The following CCNYL1 variants were observed in gnomAD, a reference collection of about 807,000 sequenced individuals.
The protein encoded by CCNYL1 is cyclin-Y-like protein 1.
CCNYL1 carries 16 observed loss-of-function variants against 44.2 expected under a neutral mutation model. The observed-to-expected ratio is 0.36, with a 90% CI of 0.25 to 0.55. CCNYL1 has a LOEUF of 0.55. CCNYL1 is among the 20% of genes least tolerant of loss of function. The probability of loss-of-function intolerance (pLI) is 0.85; values close to 1 mark genes in which losing one functional copy is unlikely to be tolerated. For synonymous variants in CCNYL1, 159 were observed against 163.2 expected (o/e 0.97, Z 0.20); for missense variants, 348 against 451.8 (o/e 0.77, Z 2.08).
chr2:207,741,703 G>A (rs994429592), intron 6 of CCNYL1, among the ~76,000 whole-genome samples: 18 of 151,848 alleles, frequency 1.2e-4, no homozygotes, highest in Admixed American at 7.2e-4. Flanking sequence ...AAAATTAGCC[G>A]GACATGTTGG....
intron 6 of CCNYL1, 41 bp downstream of exon 6, chr2:207,740,747 G>A: frequency 7.8e-7 from 1 of 1,283,574 alleles, no homozygotes; most frequent in Admixed American, 1.7e-5. Context: ...TTCTCTCATA[G>A]AGTTGTGTTT....
intron 3 of CCNYL1, among the ~76,000 whole-genome samples, chr2:207,730,837 G>T (rs368943031): frequency 6.6e-6 from 1 of 152,218 alleles, no homozygotes; most frequent in East Asian, 1.9e-4. Context: ...TGTCAATCCT[G>T]TTGCCTGCTC....
intron 1 of CCNYL1, among the ~76,000 whole-genome samples, chr2:207,717,404 A>G (rs2091605339): frequency 6.6e-6 from 1 of 152,210 alleles, no homozygotes; most frequent in South Asian, 2.1e-4. Context: ...TTAGGTGGCC[A>G]GGCTGTGTTC....
In CCNYL1 at chr2:207,755,506, C is replaced by T. The variant is rs1297352747; in HGVS notation, c.*1808C>T. The T allele has an allele frequency of 1.3e-5, 2 of 152,076 alleles. No homozygotes were observed. The highest frequency in any genetic ancestry group is 4.8e-5 in the African/African-American group (2 of 41,398). The allele number at this position is 152,076 out of a possible 1,614,324, so 9.4% of individuals were successfully genotyped here. ...AATACCTTGTATCTCCATAAAATGC[C>T]CTCTTTTTAAAAGTAGTTACCCGCA... On this transcript the variant is annotated 3_prime_UTR_variant, in exon 10 of 10. Transcript: ENST00000295414.
At chr2:207,731,046 A>G (rs2091722301) in intron 3 of CCNYL1, among the ~76,000 whole-genome samples, 1 of 152,192 alleles carries the variant, frequency 6.6e-6, no homozygotes, top group South Asian at 2.1e-4. Flanking sequence ...TCTTCTAGTA[A>G]GGCCTTAGGA....
rs61405839 is a variant in CCNYL1, at chr2:207,743,806, TTTTTTGTTTTTG to T, written c.639+1481_639+1492del. Among the ~76,000 whole-genome samples the T allele has an allele frequency of 3.8e-3, 578 of 151,566 alleles. 5 individuals carry two copies. Among genetic ancestry groups the T allele is most frequent in the African/African-American group, 0.013 (519 of 41,112 alleles). ...TGCCTACTCTGTGCCACTATTCTTG[TTTTTTGTTTTTG>T]TTTTTGTTTTTGTTTTGTTTTGTTT... On this transcript the variant is annotated intron_variant, in intron 7 of 9. Transcript: ENST00000295414.
At position 207,711,855 on chromosome 2, in the gene CCNYL1, G is replaced by T; in HGVS notation, c.-42G>T. 1.5e-6 allele frequency: 2 copies of T among 1,320,260 alleles called. No individual in the cohort carries two copies. Among genetic ancestry groups the T allele is most frequent in the African/African-American group, 1.6e-5 (1 of 64,308 alleles). 81.8% of individuals were successfully genotyped at this position (1,320,260 alleles called of 1,614,324 possible). On this transcript the variant is annotated 5_prime_UTR_variant, in exon 1 of 10. Transcript: ENST00000295414. ...GCGGCTGTTGAGGGCGGCGGAGTAGGGGGCGAGCGAAGGCGGTGGCAGAGA... is the reference window on the plus strand; with the variant it reads ...GCGGCTGTTGAGGGCGGCGGAGTAGTGGGCGAGCGAAGGCGGTGGCAGAGA...
At position 207,717,946 on chromosome 2, in the gene CCNYL1, C is replaced by T. The variant is rs143281764; in HGVS notation, c.220+5830C>T. 1.2e-4 allele frequency among the ~76,000 whole-genome samples: 18 copies of T among 150,536 alleles called. No individual in the cohort carries two copies. The East Asian group carries it at 3.3e-3, about 28-fold the overall frequency. The stretch of plus-strand genomic sequence containing the variant: ...TGAGATGGAATCTTCACTGTGTCGC[C>T]CAGGTTGAAGTACAGTGGCTCAATC... On this transcript the variant is annotated intron_variant, in intron 1 of 9. Transcript: ENST00000295414.
At chr2:207,747,242 C>G (rs1180729878) in intron 8 of CCNYL1, 29 bp downstream of exon 8, 6 of 1,582,702 alleles carry the variant, frequency 3.8e-6, no homozygotes, top group African/African-American at 2.7e-5. Flanking sequence ...GGTGAACTTT[C>G]TAACCATTTT....
chr2:207,723,618 A>G (rs539201321), intron 1 of CCNYL1, among the ~76,000 whole-genome samples: 1 of 152,108 alleles, frequency 6.6e-6, no homozygotes, highest in South Asian at 2.1e-4. Flanking sequence ...ACTCACCTCT[A>G]TAATCCCAGC....
rs532694623 is a variant in CCNYL1, at chr2:207,754,418, C to T, written c.*720C>T. The stretch of plus-strand genomic sequence containing the variant: ...TTCTTGTGAACTATAAATGGTGCTT[C>T]TCATTTTCTGATAATTTTTCTCTTG... On this transcript the variant is annotated 3_prime_UTR_variant, in exon 10 of 10. Transcript: ENST00000295414. 2 of 152,688 alleles carry T rather than the reference C, an allele frequency of 1.3e-5. No individual in the cohort carries two copies. The highest frequency in any genetic ancestry group is 3.9e-4 in the East Asian group (2 of 5,186). The allele number at this position is 152,688 out of a possible 1,614,324, so 9.5% of individuals were successfully genotyped here. A position where few individuals can be genotyped will look rare whatever the true frequency, so the allele number is the denominator to read the frequency against.
chr2:207,739,289 C>G (rs1241858464), intron 5 of CCNYL1, among the ~76,000 whole-genome samples: 1 of 152,142 alleles, frequency 6.6e-6, no homozygotes, highest in Non-Finnish European at 1.5e-5. Flanking sequence ...CTGGAGGGCA[C>G]TGGTGCCATC....
intron 8 of CCNYL1, among the ~76,000 whole-genome samples, chr2:207,747,878 T>C (rs1401211694): frequency 1.3e-5 from 2 of 152,142 alleles, no homozygotes; most frequent in Admixed American, 1.3e-4. Context: ...TTTTAAAAAG[T>C]TATCTGCCAG....
rs754147271 is a variant in CCNYL1, at chr2:207,753,633, A to G, written c.1015A>G (p.Met339Val). 3.7e-6 allele frequency: 6 copies of G among 1,613,398 alleles called. No homozygotes were observed. The East Asian group carries it at 6.7e-5, about 18-fold the overall frequency. ...AGACAAAGACTTGTGTAGAGCCGCT[A>G]TGAGAAGGTCTTTCAGTGCTGATAA... ...CEDKDLCRAA[M>V]RRSFSADNFI... Residue 339 changes from methionine to valine, a missense_variant, in exon 10 of 10, where the codon ATG becomes GTG. Met to Val is a conservative substitution (Grantham distance 21). Coordinates refer to ENST00000295414, the MANE Select transcript of CCNYL1 (RefSeq NM_001330218.2).
chr2:207,720,127 G>A (rs1301087434), intron 1 of CCNYL1, among the ~76,000 whole-genome samples: 1 of 141,864 alleles, frequency 7.0e-6, no homozygotes, highest in Non-Finnish European at 1.5e-5. Flanking sequence ...GGCAGAGGTT[G>A]CAGTGAGCCG....
chr2:207,718,975 T>TAAA (rs567430818), intron 1 of CCNYL1, among the ~76,000 whole-genome samples: 1 of 138,848 alleles, frequency 7.2e-6, no homozygotes. Flanking sequence ...ATGGAGCTGT[T>TAAA]AAAAAAAAAA....
Position 207,753,910 on chromosome 2 carries a change from G to A in CCNYL1, c.*212G>A, listed in dbSNP as rs549992520. ...AAAACACTCTTCTGTCCTTTTTAAT[G>A]TAAACAGAGTTACAAAAACCACTCC... On this transcript the variant is annotated 3_prime_UTR_variant, in exon 10 of 10. Coordinates refer to ENST00000295414, the MANE Select transcript of CCNYL1 (RefSeq NM_001330218.2). 3 of 426,948 alleles carry A rather than the reference G, an allele frequency of 7.0e-6. No individual in the cohort carries two copies. Among genetic ancestry groups the A allele is most frequent in the East Asian group, 7.5e-5 (2 of 26,662 alleles). 26.4% of individuals were successfully genotyped at this position (426,948 alleles called of 1,614,324 possible).
chr2:207,753,438 ACAACCTGG>A (rs2105844346), intron 9 of CCNYL1, 142 bp from the exon 10 acceptor site: 1 of 544,004 alleles, frequency 1.8e-6, no homozygotes, highest in African/African-American at 1.9e-5. Context: ...TAGTGTCCCC[ACAACCTGG>A]CAGTGTAAAA....
In CCNYL1 at chr2:207,741,484, G is replaced by C. The variant is rs1305205713; in HGVS notation, c.520-739G>C. 3.9e-5 allele frequency among the ~76,000 whole-genome samples: 6 copies of C among 152,118 alleles called. 1 individual carries two copies. The East Asian group carries it at 1.2e-3, about 29-fold the overall frequency. ...ATTGTTTATATTTTAAAAACTAAAA[G>C]TCATGTCACTCAACCAGAATTATTT... On this transcript the variant is annotated intron_variant, in intron 6 of 9. Transcript: ENST00000295414.
Sources: gnomAD v4.1 joint callset for allele counts (sites outside exome capture counted in the v4.1 genomes callset) on GRCh38, gnomAD v4.1.1 for gene constraint, MANE v1.5 for transcripts, NCBI Gene and HGNC (gene_info 2026-07-23, HGNC 2026-07-21) for gene names.